The following CNTN5 variants were observed in gnomAD, a reference collection of about 807,000 sequenced individuals.
CNTN5 encodes contactin-5.
A neutral mutation model predicts 129.1 loss-of-function variants in CNTN5; 77 were observed. The ratio of observed to expected loss-of-function variants is 0.60; its 90% CI spans 0.50 to 0.72. CNTN5 has a LOEUF of 0.72. Ranked by LOEUF, CNTN5 falls within the 30% of genes least tolerant of loss-of-function variation. CNTN5 has a pLI of 0.00. For missense variants in CNTN5, 1,478 were observed against 1,328.8 expected (o/e 1.11, Z -1.75); for synonymous variants, 509 against 465.6 (o/e 1.09, Z -1.20).
intron 9 of CNTN5, among the ~76,000 whole-genome samples, chr11:100,038,003 C>G (rs1017034747): frequency 3.3e-5 from 5 of 152,134 alleles, no homozygotes; most frequent in Non-Finnish European, 2.9e-5. Flanking sequence ...ATCTTGCCTT[C>G]TGCTAGCTTT....
chr11:100,057,264 A>G (rs902841988), intron 9 of CNTN5, among the ~76,000 whole-genome samples: 2 of 148,304 alleles, frequency 1.3e-5, no homozygotes, highest in African/African-American at 4.9e-5. Context: ...ATAAATATAT[A>G]TAAAGTATAA....
chr11:99,865,741 T>C (rs1431480965), intron 6 of CNTN5, among the ~76,000 whole-genome samples: 1 of 152,084 alleles, frequency 6.6e-6, no homozygotes, highest in Non-Finnish European at 1.5e-5. Context: ...CACATGCAAC[T>C]CTTTTACAGG....
intron 1 of CNTN5, among the ~76,000 whole-genome samples, chr11:99,282,824 T>G (rs1863759586): frequency 6.6e-6 from 1 of 152,052 alleles, no homozygotes; most frequent in Admixed American, 6.6e-5. Flanking sequence ...TTCCTTCAGC[T>G]CACAGTAATG....
rs186906433 is a variant in CNTN5, at chr11:100,006,172, T to C, written c.980+4036T>C. On this transcript the variant is annotated intron_variant, in intron 9 of 24. Coordinates refer to ENST00000524871, the MANE Select transcript of CNTN5 (RefSeq NM_014361.4). ...ATTTACACACGTTGATTTAAAAATATTTTACTGCTAAAAATTGCTCATGCT... is the reference window on the plus strand; with the variant it reads ...ATTTACACACGTTGATTTAAAAATACTTTACTGCTAAAAATTGCTCATGCT... 1.9e-3 allele frequency among the ~76,000 whole-genome samples: 283 copies of C among 152,260 alleles called. 2 individuals are homozygous for C. Among genetic ancestry groups the C allele is most frequent in the African/African-American group, 6.6e-3 (273 of 41,540 alleles).
chr11:99,032,338 C>T (rs1024716485), intron 1 of CNTN5, among the ~76,000 whole-genome samples: 3 of 151,196 alleles, frequency 2.0e-5, no homozygotes. Flanking sequence ...TGAGGAATCG[C>T]CACACTGACT....
chr11:99,627,154 G>A (rs1384123787), intron 3 of CNTN5, among the ~76,000 whole-genome samples: 1 of 151,976 alleles, frequency 6.6e-6, no homozygotes, highest in Non-Finnish European at 1.5e-5. Flanking sequence ...AAAATTGTTG[G>A]TGCCCACACT....
intron 3 of CNTN5, among the ~76,000 whole-genome samples, chr11:99,805,888 A>G (rs1946253687): frequency 6.6e-6 from 1 of 152,224 alleles, no homozygotes; most frequent in Admixed American, 6.5e-5. Context: ...CATGAAATTA[A>G]AAATTGTAAC....
chr11:99,268,135 T>C (rs761652254), intron 1 of CNTN5, among the ~76,000 whole-genome samples: 1 of 151,972 alleles, frequency 6.6e-6, no homozygotes, highest in Non-Finnish European at 1.5e-5. Flanking sequence ...TGAGCTCCAT[T>C]ATCTCAACCA....
rs1163159518 is a variant in CNTN5 at position 99,275,303 on chromosome 11, C to T, written c.-209-50043C>T. Among the ~76,000 whole-genome samples the T allele has an allele frequency of 2.6e-5, 4 of 151,480 alleles. No homozygotes were observed. The South Asian group carries it at 6.2e-4, about 24-fold the overall frequency. Reference sequence around the variant, plus strand: ...ATATATTTCCACTCCCTAAAGTAGTCTTTTCTGTGTGGTTAAAACACAGAA... The same window carrying T: ...ATATATTTCCACTCCCTAAAGTAGTTTTTTCTGTGTGGTTAAAACACAGAA... On this transcript the variant is annotated intron_variant, in intron 1 of 24. Coordinates refer to ENST00000524871, the MANE Select transcript of CNTN5 (RefSeq NM_014361.4).
At chr11:99,885,747 C>CA (rs1292545981) in intron 6 of CNTN5, among the ~76,000 whole-genome samples, 1 of 151,576 alleles carries the variant, frequency 6.6e-6, no homozygotes, top group South Asian at 2.1e-4. Context: ...AGAGATAAGA[C>CA]AAAAAATATA....
intron 2 of CNTN5, among the ~76,000 whole-genome samples, chr11:99,479,687 G>A (rs1229331245): frequency 6.6e-6 from 1 of 152,068 alleles, no homozygotes; most frequent in African/African-American, 2.4e-5. Context: ...GTTTTTAAGT[G>A]ATGGAACAGG....
At chr11:99,865,854 G>C (rs1015064170) in intron 6 of CNTN5, among the ~76,000 whole-genome samples, 14 of 151,976 alleles carry the variant, frequency 9.2e-5, no homozygotes, top group Non-Finnish European at 1.8e-4. Flanking sequence ...GGTTTCACTT[G>C]TTTTAATTAT....
In CNTN5 at chr11:100,299,357, C is replaced by A; in HGVS notation, c.2581C>A (p.Pro861Thr). The A allele has an allele frequency of 6.2e-7, 1 of 1,609,246 alleles. No individual in the cohort carries two copies. Among genetic ancestry groups the A allele is most frequent in the Non-Finnish European group, 8.5e-7 (1 of 1,176,960 alleles). ...VGVYNNKGDG[P>T]FSQIVVICSA... ...CGTTTATAACAATAAAGGAGATGGG[C>A]CTTTTAGTCAAATTGTGGTCATCTG... Residue 861 changes from proline to threonine, a missense_variant, in exon 20 of 25, where the codon CCT becomes ACT. Coordinates refer to ENST00000524871, the MANE Select transcript of CNTN5 (RefSeq NM_014361.4).
chr11:99,790,136 T>C (rs569733331), intron 3 of CNTN5, among the ~76,000 whole-genome samples: 2 of 152,112 alleles, frequency 1.3e-5, no homozygotes, highest in East Asian at 1.9e-4. Flanking sequence ...TTATTTTCTA[T>C]GGCTGCATAG....
At chr11:99,373,237 C>G in intron 2 of CNTN5, among the ~76,000 whole-genome samples, 1 of 152,036 alleles carries the variant, frequency 6.6e-6, no homozygotes, top group Non-Finnish European at 1.5e-5. Flanking sequence ...ATTTGAGGTT[C>G]TTGTCCTGAA....
chr11:99,981,210 G>A (rs1442731138), intron 8 of CNTN5, among the ~76,000 whole-genome samples: 1 of 151,404 alleles, frequency 6.6e-6, no homozygotes, highest in Non-Finnish European at 1.5e-5. Context: ...TAAAGACCCT[G>A]GAATGCTCAT....
chr11:100,043,180 T>A (rs1487988911), intron 9 of CNTN5, among the ~76,000 whole-genome samples: 1 of 152,214 alleles, frequency 6.6e-6, no homozygotes, highest in Non-Finnish European at 1.5e-5. Flanking sequence ...AATGAATGAA[T>A]CATTCTTGAT....
intron 4 of CNTN5, among the ~76,000 whole-genome samples, chr11:99,833,324 C>A (rs922768158): frequency 6.6e-6 from 1 of 152,002 alleles, no homozygotes; most frequent in Non-Finnish European, 1.5e-5. Flanking sequence ...CAGACAATCC[C>A]TAATTTAAGG....
In CNTN5 at chr11:99,687,563, G is replaced by T. The variant is rs1289582175; in HGVS notation, c.55+131294G>T. ...ATTGAATTTTCAAAATGCTCACTTAGCCATACTTTATGGGCTGTAGCTCAT... is the reference window on the plus strand; with the variant it reads ...ATTGAATTTTCAAAATGCTCACTTATCCATACTTTATGGGCTGTAGCTCAT... On this transcript the variant is annotated intron_variant, in intron 3 of 24. Transcript: ENST00000524871. 2.0e-5 allele frequency among the ~76,000 whole-genome samples: 3 copies of T among 152,246 alleles called. No homozygotes were observed. The East Asian group carries it at 5.8e-4, about 29-fold the overall frequency.
Sources: gnomAD v4.1 joint callset for allele counts (sites outside exome capture counted in the v4.1 genomes callset) on GRCh38, gnomAD v4.1.1 for gene constraint, MANE v1.5 for transcripts, NCBI Gene and HGNC (gene_info 2026-07-23, HGNC 2026-07-21) for gene names.